Variants in SART3 observed in about 807,000 individuals in gnomAD.
SART3 encodes the protein spliceosome associated factor 3, U4/U6 recycling protein, also known as HIV-1 Tat-interacting protein of 110kDa.
SART3 carries 44 observed loss-of-function variants against 122.3 expected under a neutral mutation model. The observed-to-expected ratio is 0.36, with a 90% CI of 0.28 to 0.46. SART3 has a LOEUF of 0.46. Ranked by LOEUF, SART3 falls within the 20% of genes least tolerant of loss-of-function variation. SART3 has a pLI of 1.00. For synonymous variants in SART3, 442 were observed against 454.0 expected (o/e 0.97, Z 0.34); for missense variants, 1,101 against 1,229.0 (o/e 0.90, Z 1.56).
At chr12:108,529,082 C>G (rs1039179922) in intron 15 of SART3, among the ~76,000 whole-genome samples, 1 of 151,806 alleles carries the variant, frequency 6.6e-6, no homozygotes, top group Non-Finnish European at 1.5e-5. Context: ...AAGATCACCC[C>G]ACTGCACTCC....
chr12:108,544,281 C>T (rs940789543), intron 5 of SART3, 146 bp downstream of exon 5: 8 of 821,638 alleles, frequency 9.7e-6, no homozygotes, highest in Admixed American at 6.8e-5. Flanking sequence ...CCAAGGACCT[C>T]ATCCAAAGAG....
At chr12:108,548,017 T>TTAATACCAAAGGG (rs1330707646) in intron 2 of SART3, 26 bp from the exon 3 acceptor site, 5 of 1,589,504 alleles carry the variant, frequency 3.1e-6, no homozygotes, top group Non-Finnish European at 4.3e-6. Flanking sequence ...ACTTCCCGCA[T>TTAATACCAAAGGG]TAATACCAAA....
chr12:108,557,349 G>C (rs1246725711), intron 1 of SART3, among the ~76,000 whole-genome samples: 2 of 151,786 alleles, frequency 1.3e-5, no homozygotes, highest in African/African-American at 2.4e-5. Flanking sequence ...GAGTAGCTGG[G>C]ATTAACAACA....
chr12:108,542,965 G>A (rs961340070), intron 6 of SART3, 63 bp downstream of exon 6: 20 of 1,599,960 alleles, frequency 1.3e-5, no homozygotes, highest in African/African-American at 5.4e-5. Context: ...TGTTTAACTC[G>A]CAACTATCCA....
chr12:108,547,090 G>T (rs1019914098), intron 3 of SART3, among the ~76,000 whole-genome samples: 1 of 152,222 alleles, frequency 6.6e-6, no homozygotes, highest in Admixed American at 6.5e-5. Context: ...AAAGTTCTGG[G>T]ATTACAGGCG....
intron 7 of SART3, 116 bp from the exon 8 acceptor site, chr12:108,538,319 G>T: frequency 8.0e-7 from 1 of 1,251,878 alleles, no homozygotes; most frequent in Non-Finnish European, 1.2e-6. Context: ...CATCTCTTGT[G>T]ACCTGGTTTC....
At position 108,538,080 on chromosome 12, in the gene SART3, GA is replaced by G; in HGVS notation, c.1185del (p.His396IlefsTer3). On this transcript the variant is annotated frameshift_variant, in exon 8 of 19. Coordinates refer to ENST00000546815, the MANE Select transcript of SART3 (RefSeq NM_014706.4). LOFTEE classifies it high-confidence loss of function. ...ACATCCGCACCAGAAATTACTTGAT[GA>G]TCAACTCCATGTCTCTCCATGGCCA... ...YLLAMERHGVDHQVISVTFEK... is the reference protein window; with the variant it reads ...YLLAMERHGVXHQVISVTFEK... The G allele has an allele frequency of 6.2e-7, 1 of 1,614,140 alleles. No homozygotes were observed. Among genetic ancestry groups the G allele is most frequent in the Non-Finnish European group, 8.5e-7 (1 of 1,180,000 alleles).
At chr12:108,535,106 A>G (rs1872845368) in intron 12 of SART3, among the ~76,000 whole-genome samples, 1 of 152,242 alleles carries the variant, frequency 6.6e-6, no homozygotes, top group Non-Finnish European at 1.5e-5. Context: ...AGGTCAAATA[A>G]AATATCATGC....
chr12:108,542,331 A>T (rs1312119058), intron 6 of SART3, among the ~76,000 whole-genome samples: 1 of 152,194 alleles, frequency 6.6e-6, no homozygotes, highest in African/African-American at 2.4e-5. Flanking sequence ...TACTGCTCAC[A>T]GCAGTGCAAA....
intron 1 of SART3, among the ~76,000 whole-genome samples, chr12:108,559,499 C>A (rs947789016): frequency 6.6e-6 from 1 of 151,952 alleles, no homozygotes; most frequent in African/African-American, 2.4e-5. Flanking sequence ...AACCCCGTCT[C>A]TACTAAAAAT....
chr12:108,531,363 C>T, intron 13 of SART3, 83 bp from the exon 14 acceptor site: 1 of 1,022,966 alleles, frequency 9.8e-7, no homozygotes, highest in Non-Finnish European at 1.5e-6. Context: ...TTTCTCTGTA[C>T]CTCCAGAAGA....
Position 108,547,850 on chromosome 12 carries a change from A to T in SART3, c.544+37T>A, listed in dbSNP as rs371616707. 4 of 1,473,312 alleles carry T rather than the reference A, an allele frequency of 2.7e-6. No homozygotes were observed. The East Asian group carries it at 6.8e-5, about 25-fold the overall frequency. The allele number at this position is 1,473,312 out of a possible 1,614,324, so 91.3% of individuals were successfully genotyped here. A position where few individuals can be genotyped will look rare whatever the true frequency, so the allele number is the denominator to read the frequency against. ...TCAACAGCAGACTGATATATATGAC[A>T]TTGCCAGATATCCAAAAAAAGTCCA... On this transcript the variant is annotated intron_variant, in intron 3 of 18. Transcript: ENST00000546815.
In SART3 at chr12:108,539,020, G is replaced by A; in HGVS notation, c.976C>T (p.Pro326Ser). Residue 326 changes from proline to serine, a missense_variant, in exon 7 of 19, where the codon CCT becomes TCT. Around this residue, in one of 2 missense-constraint regions of SART3, gnomAD observed 885 missense variants for 1,080.1 expected, o/e 0.82. Transcript: ENST00000546815. ...TCAAAGATCAACTGAATGCGAGCAGGATCGCCAATTTTCATCTCAAAATCG... is the reference window on the plus strand; with the variant it reads ...TCAAAGATCAACTGAATGCGAGCAGAATCGCCAATTTTCATCTCAAAATCG... ...YIDFEMKIGD[P>S]ARIQLIFERA... The A allele has an allele frequency of 6.2e-7, 1 of 1,614,198 alleles. No homozygotes were observed.
Position 108,526,290 on chromosome 12 carries a change from C to G in SART3, c.2179G>C (p.Glu727Gln), listed in dbSNP as rs1296165693. ...ATCTGGACCACCTCCCCACAGGCCTCGAAGAGTGGCCTGAGCTTCGTGTCC... is the reference window on the plus strand; with the variant it reads ...ATCTGGACCACCTCCCCACAGGCCTGGAAGAGTGGCCTGAGCTTCGTGTCC... ...EPDTKLRPLF[E>Q]ACGEVVQIRP... is the part of the protein sequence containing the mutation. Residue 727 changes from glutamate (E) to glutamine (Q), a missense_variant, in exon 16 of 19, where the codon GAG (glutamate) becomes CAG (glutamine). By Grantham distance (29) the Glu-to-Gln change is conservative. Transcript: ENST00000546815. The G allele has an allele frequency of 6.2e-7, 1 of 1,614,198 alleles. No individual in the cohort carries two copies. Among genetic ancestry groups the G allele is most frequent in the Non-Finnish European group, 8.5e-7 (1 of 1,180,046 alleles).
Position 108,543,093 on chromosome 12 carries a change from C to A in SART3, c.841G>T (p.Val281Leu). The change falls in exon 6 of 19, where the codon GTA becomes TTA. Residue 281 changes from valine (V) to leucine (L), a missense_variant. Val to Leu is a conservative substitution (Grantham distance 32, BLOSUM62 1). Transcript: ENST00000546815. ...EWSEDPIPES[V>L]IQNYNKALQQ... is the part of the protein sequence containing the mutation. ...AGTGCTTTGTTATAGTTCTGAATTA[C>A]TGACTCTGGTATTGGGTCTTCTGAC... 1 of 1,614,204 alleles carries A rather than the reference C, an allele frequency of 6.2e-7. No homozygotes were observed.
intron 16 of SART3, 87 bp downstream of exon 16, chr12:108,526,012 T>C (rs781001356): frequency 3.2e-5 from 36 of 1,116,530 alleles, no homozygotes; most frequent in Non-Finnish European, 4.3e-5. Context: ...AACTTCCATG[T>C]CTATCCTAAA....
At chr12:108,538,807 G>T in intron 7 of SART3, 127 bp downstream of exon 7, 1 of 1,146,180 alleles carries the variant, frequency 8.7e-7, no homozygotes, top group Non-Finnish European at 1.3e-6. Flanking sequence ...AGTTGGCAAA[G>T]AGGAGAAAAA....
At chr12:108,555,284 T>TCAC in intron 1 of SART3, among the ~76,000 whole-genome samples, 1 of 152,202 alleles carries the variant, frequency 6.6e-6, no homozygotes, top group South Asian at 2.1e-4. Flanking sequence ...AGCATAAACA[T>TCAC]CAAGCACTAT....
chr12:108,526,040 G>T (rs945628485), intron 16 of SART3, 59 bp downstream of exon 16: 7 of 1,319,362 alleles, frequency 5.3e-6, no homozygotes, highest in Non-Finnish European at 6.6e-6. Context: ...GCTGCAGGAA[G>T]AAAGTGCCTG....
Sources: gnomAD v4.1 joint callset for allele counts (sites outside exome capture counted in the v4.1 genomes callset) on GRCh38, gnomAD v4.1.1 for gene constraint, gnomAD v4.1.1 regional missense constraint, MANE v1.5 for transcripts, NCBI Gene and HGNC (gene_info 2026-07-23, HGNC 2026-07-21) for gene names.